Variants in SYNE3 observed in about 807,000 individuals in gnomAD.
The protein encoded by SYNE3 is spectrin repeat containing nuclear envelope family member 3.
Under a neutral mutation model 111.2 loss-of-function variants are expected in SYNE3, and 100 were observed. The ratio of observed to expected loss-of-function variants is 0.90; its 90% CI spans 0.77 to 1.06. The LOEUF is 1.06. SYNE3 is among the 50% of genes least tolerant of loss of function. SYNE3 has a pLI of 0.00. For synonymous variants in SYNE3, 547 were observed against 533.9 expected, an observed-to-expected ratio of 1.02 and a Z score of -0.34; for missense variants, 1,160 against 1,240.3, an observed-to-expected ratio of 0.94 and a Z score of 0.97.
rs749616729 is a variant in SYNE3 at position 95,457,358 on chromosome 14, A to G, written c.628-20T>C. 1.9e-6 allele frequency: 3 copies of G among 1,609,498 alleles called. No homozygotes were observed. The highest frequency in any genetic ancestry group is 2.7e-5 in the African/African-American group (2 of 74,860). ...ACGCTTCTGTGGGAGGAGGAGAATC[A>G]CCAGCCATGAGGGTCCCCAGCCCAG... On this transcript the variant is annotated intron_variant, in intron 4 of 17. Transcript: ENST00000682763.
intron 1 of SYNE3, among the ~76,000 whole-genome samples, chr14:95,504,785 A>T (rs179161): frequency 6.6e-6 from 1 of 151,884 alleles, no homozygotes. Context: ...GTTCGAGATC[A>T]GCCTGAACAA....
chr14:95,503,084 C>T (rs1890396733), intron 1 of SYNE3, among the ~76,000 whole-genome samples: 1 of 152,228 alleles, frequency 6.6e-6, no homozygotes, highest in African/African-American at 2.4e-5. Context: ...TTAAATTAAT[C>T]CCATTAGCAA....
chr14:95,427,779 G>T (rs1313549846), intron 17 of SYNE3, among the ~76,000 whole-genome samples: 1 of 168 alleles, frequency 6.0e-3, no homozygotes, highest in South Asian at 0.17. Flanking sequence ...TGGTGGTAGT[G>T]GTCCCCAGGG....
intron 13 of SYNE3, 101 bp from the exon 14 acceptor site, chr14:95,439,263 G>A: frequency 4.6e-6 from 7 of 1,538,120 alleles, no homozygotes; most frequent in Non-Finnish European, 5.3e-6. Flanking sequence ...TCACGAGTCA[G>A]TGCCCCCCAC....
intron 1 of SYNE3, among the ~76,000 whole-genome samples, chr14:95,493,533 G>C (rs775824736): frequency 6.6e-6 from 1 of 152,120 alleles, no homozygotes. Flanking sequence ...CATCCCTATG[G>C]GTCTTATAGA....
At chr14:95,512,977 C>T (rs1890776363) in intron 1 of SYNE3, among the ~76,000 whole-genome samples, 2 of 152,174 alleles carry the variant, frequency 1.3e-5, no homozygotes, top group Admixed American at 6.5e-5. Flanking sequence ...TCTCCCTGAT[C>T]AATTACCCAC....
In SYNE3 at chr14:95,470,098, G is replaced by T. The variant is rs529218210; in HGVS notation, c.145-2131C>A. 1.3e-5 allele frequency among the ~76,000 whole-genome samples: 2 copies of T among 152,060 alleles called. No homozygotes were observed. The highest frequency in any genetic ancestry group is 2.9e-5 in the Non-Finnish European group (2 of 68,010). ...GCAGGATGTGGCAGGGGCCCAGGGG[G>T]TGGTGGCCACAGCAAGTACCCACAC... On this transcript the variant is annotated intron_variant, in intron 2 of 17. Transcript: ENST00000682763. This position sits in a 1 kb window ranked among gnomAD's most constrained non-coding sequence, Gnocchi z 4.2.
intron 5 of SYNE3, 81 bp downstream of exon 5, chr14:95,457,096 A>C: frequency 6.7e-7 from 1 of 1,484,362 alleles, no homozygotes; most frequent in Non-Finnish European, 8.9e-7. Flanking sequence ...AAAAAAAAAA[A>C]AAAAAAGGAA....
intron 17 of SYNE3, among the ~76,000 whole-genome samples, chr14:95,429,320 C>A (rs1885613851): frequency 6.6e-6 from 1 of 152,200 alleles, no homozygotes; most frequent in East Asian, 1.9e-4. Flanking sequence ...ATTTGGAAGA[C>A]TGCGGCTAAA....
chr14:95,443,810 C>G (rs1886543051), intron 10 of SYNE3: 1 of 152,192 alleles, frequency 6.6e-6, no homozygotes, highest in Admixed American at 6.6e-5. Flanking sequence ...CCACGCCTGG[C>G]TAAATTTTTT....
At chr14:95,474,691 C>T (rs74438988) in intron 2 of SYNE3, among the ~76,000 whole-genome samples, 14 of 152,292 alleles carry the variant, frequency 9.2e-5, no homozygotes, top group East Asian at 1.9e-4. Context: ...TTAATTCCCA[C>T]GGTCCACTTC....
Position 95,432,051 on chromosome 14 carries a change from C to T in SYNE3, c.2727+28G>A, listed in dbSNP as rs1242744360. The T allele has an allele frequency of 2.3e-5, 37 of 1,607,628 alleles. No homozygotes were observed. The East Asian group carries it at 4.9e-4, about 21-fold the overall frequency. The stretch of plus-strand genomic sequence containing the variant: ...CCCTCCAGGCACCCTGCCTGCTAGC[C>T]GTGTGGAGCAGATGGCAGACACTGT... On this transcript the variant is annotated intron_variant, in intron 17 of 17. Coordinates refer to ENST00000682763, the MANE Select transcript of SYNE3 (RefSeq NM_152592.6).
chr14:95,463,899 T>C (rs969248765), intron 4 of SYNE3, among the ~76,000 whole-genome samples: 13 of 152,266 alleles, frequency 8.5e-5, no homozygotes, highest in Non-Finnish European at 1.6e-4. Context: ...GTAGAAGTCG[T>C]TCTTTATATT....
Position 95,500,759 on chromosome 14 carries a change from A to G in SYNE3, c.-15+15837T>C, listed in dbSNP as rs979207186. 6.6e-5 allele frequency among the ~76,000 whole-genome samples: 10 copies of G among 152,174 alleles called. No homozygotes were observed. Among genetic ancestry groups the G allele is most frequent in the Non-Finnish European group, 1.2e-4 (8 of 68,018 alleles). On this transcript the variant is annotated intron_variant, in intron 1 of 17. Transcript: ENST00000682763. The surrounding 1 kb of genome is among the most constrained non-coding windows in gnomAD (Gnocchi z 4.7). ...ACCCTGGGTTGTCCCCAGCAGCCCC[A>G]TAGCAGAGTCACTGACCCTTCCTGC...
intron 8 of SYNE3, among the ~76,000 whole-genome samples, chr14:95,446,610 G>C (rs541990442): frequency 1.3e-5 from 2 of 152,150 alleles, no homozygotes; most frequent in African/African-American, 4.8e-5. Context: ...CATTTTGAAG[G>C]GAGCTACAGG....
chr14:95,468,413 T>C (rs1888327256), intron 2 of SYNE3, among the ~76,000 whole-genome samples: 1 of 152,228 alleles, frequency 6.6e-6, no homozygotes, highest in Admixed American at 6.5e-5. Context: ...TGCGAGGAGC[T>C]GGCCCAACCC....
chr14:95,499,135 T>A (rs12879649), intron 1 of SYNE3, among the ~76,000 whole-genome samples: 87,872 of 151,974 alleles, frequency 0.58, 26,183 homozygotes, highest in African/African-American at 0.74. Context: ...AGCCAAATCC[T>A]TTCCTGGATC....
intron 17 of SYNE3, among the ~76,000 whole-genome samples, chr14:95,425,744 T>A (rs1395071876): frequency 6.6e-6 from 1 of 152,230 alleles, no homozygotes; most frequent in African/African-American, 2.4e-5. Flanking sequence ...AATTTTTCTA[T>A]AAACCGAAAG....
At chr14:95,454,124 G>A (rs1287967154) in intron 6 of SYNE3, among the ~76,000 whole-genome samples, 1 of 152,204 alleles carries the variant, frequency 6.6e-6, no homozygotes. Flanking sequence ...GTCAGCAGAG[G>A]GATAACACAA....
Sources: allele counts gnomAD v4.1 joint callset (sites outside exome capture counted in the v4.1 genomes callset), GRCh38; gene constraint gnomAD v4.1.1; non-coding constraint Gnocchi (gnomAD v3.1); transcripts MANE v1.5; gene names NCBI Gene and HGNC (gene_info 2026-07-23, HGNC 2026-07-21).